ERBB4: variants seen among roughly 807,000 people sequenced by gnomAD.
ERBB4 encodes receptor tyrosine-protein kinase erbB-4.
ERBB4 carries 42 observed loss-of-function variants against 158.0 expected under a neutral mutation model. The observed-to-expected ratio is 0.27, with a 90% CI of 0.21 to 0.34. The LOEUF is 0.34. ERBB4 is among the 10% of genes least tolerant of loss of function. The probability of loss-of-function intolerance (pLI) is 1.00; values close to 1 mark genes in which losing one functional copy is unlikely to be tolerated. For synonymous variants in ERBB4, 583 were observed against 558.7 expected (o/e 1.04, Z -0.61); for missense variants, 1,333 against 1,624.1 (o/e 0.82, Z 3.08).
At chr2:211,469,454 A>C (rs138841928) in intron 20 of ERBB4, among the ~76,000 whole-genome samples, 32 of 152,276 alleles carry the variant, frequency 2.1e-4, no homozygotes, top group Admixed American at 5.9e-4. Flanking sequence ...ATGCATGTTT[A>C]TTCCAAGACA....
At chr2:211,469,317 A>G (rs765809603) in intron 20 of ERBB4, among the ~76,000 whole-genome samples, 1 of 152,188 alleles carries the variant, frequency 6.6e-6, no homozygotes, top group Non-Finnish European at 1.5e-5. Context: ...AAAATTTGCC[A>G]TGTGCTTTGT....
At chr2:211,758,179 T>C (rs2075328173) in intron 4 of ERBB4, among the ~76,000 whole-genome samples, 1 of 152,134 alleles carries the variant, frequency 6.6e-6, no homozygotes. Flanking sequence ...AACATGAACA[T>C]ACTAAATGCA....
intron 25 of ERBB4, among the ~76,000 whole-genome samples, chr2:211,404,932 G>T (rs2063118367): frequency 6.6e-6 from 1 of 152,030 alleles, no homozygotes; most frequent in Non-Finnish European, 1.5e-5. Flanking sequence ...TGAGAGAAGA[G>T]ACTGATTTGT....
rs1402049917 is a variant in ERBB4, at chr2:211,735,221, T to TA, written c.623-10028_623-10027insT. Among the ~76,000 whole-genome samples the TA allele has an allele frequency of 1.0e-4, 10 of 97,418 alleles. No individual in the cohort carries two copies. The East Asian group carries it at 1.3e-3, about 13-fold the overall frequency. The allele number at this position is 97,418 out of a possible 152,430, so 63.9% of individuals were successfully genotyped here. A position where few individuals can be genotyped will look rare whatever the true frequency, so the allele number is the denominator to read the frequency against. ...TTTATGACCTGAGTATCACATGAAT[T>TA]TAAAAAAAAAACTATACTAAAATAA... On this transcript the variant is annotated intron_variant, in intron 5 of 27. Transcript: ENST00000342788.
chr2:212,188,944 T>C (rs958016774), intron 1 of ERBB4, among the ~76,000 whole-genome samples: 10 of 152,072 alleles, frequency 6.6e-5, no homozygotes, highest in African/African-American at 2.2e-4. Context: ...GCTAAAAATA[T>C]ATAAACAGGT....
intron 1 of ERBB4, among the ~76,000 whole-genome samples, chr2:212,138,373 G>A (rs1182510267): frequency 6.6e-5 from 10 of 152,136 alleles, no homozygotes; most frequent in Non-Finnish European, 1.5e-5. Context: ...CTTATGCTGT[G>A]GTGTGGATGT....
chr2:212,432,578 A>C (rs1257560735), intron 1 of ERBB4, among the ~76,000 whole-genome samples: 1 of 152,120 alleles, frequency 6.6e-6, no homozygotes, highest in African/African-American at 2.4e-5. Flanking sequence ...TTTTAAGGCA[A>C]AATTAGATTT....
At chr2:212,232,986 T>C (rs1381500154) in intron 1 of ERBB4, among the ~76,000 whole-genome samples, 1 of 152,200 alleles carries the variant, frequency 6.6e-6, no homozygotes. Context: ...TTGGAAGAGA[T>C]CTTCAGGGCA....
At chr2:211,738,948 T>C (rs1001724074) in intron 5 of ERBB4, among the ~76,000 whole-genome samples, 2 of 152,150 alleles carry the variant, frequency 1.3e-5, no homozygotes, top group Non-Finnish European at 2.9e-5. Context: ...CAGAAAATGA[T>C]CTTTTTCTTA....
chr2:211,775,646 A>T (rs61209927), intron 4 of ERBB4, among the ~76,000 whole-genome samples: 19,585 of 152,152 alleles, frequency 0.13, 1,454 homozygotes, highest in South Asian at 0.31. Flanking sequence ...TCTCCTCTAT[A>T]GATGTGTAGA....
chr2:211,716,592 C>T (rs1361054378), intron 7 of ERBB4, among the ~76,000 whole-genome samples: 2 of 151,858 alleles, frequency 1.3e-5, no homozygotes, highest in East Asian at 1.9e-4. Flanking sequence ...AGGAGAATGG[C>T]GTGAACCCGG....
intron 20 of ERBB4, among the ~76,000 whole-genome samples, chr2:211,542,533 C>T (rs891174625): frequency 6.6e-6 from 1 of 151,892 alleles, no homozygotes; most frequent in African/African-American, 2.4e-5. Context: ...GGTGACTATG[C>T]TTCTCAATGC....
intron 1 of ERBB4, among the ~76,000 whole-genome samples, chr2:212,320,529 C>T (rs1399369133): frequency 2.2e-5 from 3 of 135,586 alleles, no homozygotes; most frequent in Non-Finnish European, 4.9e-5. Context: ...AAAAAAACAA[C>T]ACAAGATTCT....
intron 17 of ERBB4, among the ~76,000 whole-genome samples, chr2:211,630,124 G>C (rs916753635): frequency 2.6e-5 from 4 of 152,268 alleles, no homozygotes; most frequent in Admixed American, 2.6e-4. Context: ...TACAGAATGA[G>C]ATATTTTCAA....
chr2:212,179,840 T>A (rs538478303), intron 1 of ERBB4, among the ~76,000 whole-genome samples: 36 of 151,710 alleles, frequency 2.4e-4, no homozygotes, highest in Admixed American at 1.1e-3. Context: ...GGGAATGGTC[T>A]CCCAAATCTT....
chr2:211,896,130 T>A (rs932271252), intron 3 of ERBB4, among the ~76,000 whole-genome samples: 2 of 152,172 alleles, frequency 1.3e-5, no homozygotes, highest in Non-Finnish European at 2.9e-5. Flanking sequence ...TGCACACAGT[T>A]GACAAAATAT....
At chr2:212,440,007 A>T (rs2092220980) in intron 1 of ERBB4, among the ~76,000 whole-genome samples, 1 of 152,202 alleles carries the variant, frequency 6.6e-6, no homozygotes, top group African/African-American at 2.4e-5. Flanking sequence ...ATGAGTTTGC[A>T]ACTCAAAATC....
intron 1 of ERBB4, among the ~76,000 whole-genome samples, chr2:212,245,069 C>G (rs1489491166): frequency 6.6e-6 from 1 of 152,006 alleles, no homozygotes; most frequent in Non-Finnish European, 1.5e-5. Flanking sequence ...TCTCAGAAGT[C>G]TATAAATTAT....
At chr2:211,973,945 C>T (rs2081532428) in intron 2 of ERBB4, among the ~76,000 whole-genome samples, 1 of 152,084 alleles carries the variant, frequency 6.6e-6, no homozygotes, top group Admixed American at 6.5e-5. Flanking sequence ...ATGAATTAAG[C>T]TGGAAGCTAT....
Sources: allele counts gnomAD v4.1 joint callset (sites outside exome capture counted in the v4.1 genomes callset), GRCh38; gene constraint gnomAD v4.1.1; transcripts MANE v1.5; gene names NCBI Gene and HGNC (gene_info 2026-07-23, HGNC 2026-07-21).